The following DACH1 variants were observed in gnomAD, a reference collection of about 807,000 sequenced individuals.
DACH1 encodes dachshund homolog 1.
In DACH1, 12 loss-of-function variants were observed where a neutral mutation model predicts 54.2. That is an observed-to-expected ratio of 0.22 (90% CI 0.14 to 0.36). The LOEUF (loss-of-function observed/expected upper bound fraction) is 0.36, where lower values mean the gene tolerates loss of function less well. Among genes scored for constraint, DACH1 ranks in the 10% least tolerant of loss-of-function variants. The pLI is 1.00. For synonymous variants in DACH1, 386 were observed against 366.2 expected (o/e 1.05, Z -0.62); for missense variants, 805 against 929.8 (o/e 0.87, Z 1.75).
intron 1 of DACH1, among the ~76,000 whole-genome samples, chr13:71,786,903 C>T (rs1333487005): frequency 6.6e-6 from 1 of 152,080 alleles, no homozygotes; most frequent in African/African-American, 2.4e-5. Flanking sequence ...TCTTCCTGGA[C>T]CAAAGAATTT....
rs80039276 is a variant in DACH1 at position 71,736,633 on chromosome 13, A to G, written c.849-54723T>C. On this transcript the variant is annotated intron_variant, in intron 1 of 10. Transcript: ENST00000613252. ...GCACTGCTATTTTTTTTCCCGTAAG[A>G]AAGAGGGAGTCAAATCAATATGAAT... is the stretch of plus-strand genomic sequence containing the variant. Among the ~76,000 whole-genome samples, 764 of 152,256 alleles carry G rather than the reference A, an allele frequency of 5.0e-3. 3 individuals are homozygous for G. Among genetic ancestry groups the G allele is most frequent in the East Asian group, 8.3e-3 (43 of 5,166 alleles).
intron 1 of DACH1, among the ~76,000 whole-genome samples, chr13:71,708,979 A>C (rs566619479): frequency 7.1e-4 from 107 of 150,806 alleles, no homozygotes; most frequent in African/African-American, 2.5e-3. Flanking sequence ...CAGCCTCCCG[A>C]GTAGCTGGGA....
chr13:71,630,804 C>T, intron 2 of DACH1, 87 bp from the exon 3 acceptor site: 15 of 1,384,524 alleles, frequency 1.1e-5, no homozygotes, highest in Non-Finnish European at 1.3e-5. Context: ...AACATACAAA[C>T]ATTTATTAGA....
intron 2 of DACH1, among the ~76,000 whole-genome samples, chr13:71,653,404 T>C (rs1241907829): frequency 1.3e-5 from 2 of 152,182 alleles, no homozygotes; most frequent in Admixed American, 6.5e-5. Context: ...TCAATTCAGC[T>C]CCAGTGCTGC....
chr13:71,555,370 C>T (rs1231671797), intron 6 of DACH1, among the ~76,000 whole-genome samples: 2 of 150,758 alleles, frequency 1.3e-5, no homozygotes, highest in South Asian at 2.1e-4. Context: ...TTGACATGGA[C>T]TCTCACTCTG....
In DACH1 at chr13:71,648,165, A is replaced by G. The variant is rs185223606; in HGVS notation, c.965-17448T>C. Among the ~76,000 whole-genome samples the G allele has an allele frequency of 5.9e-5, 9 of 152,312 alleles. No individual in the cohort carries two copies. The East Asian group carries it at 1.7e-3, about 29-fold the overall frequency. ...AGATGGCATCCTTCATTTAATTACTATACAATCAAATATATGACAATAAAA... is the reference window on the plus strand; with the variant it reads ...AGATGGCATCCTTCATTTAATTACTGTACAATCAAATATATGACAATAAAA... On this transcript the variant is annotated intron_variant, in intron 2 of 10. Coordinates refer to ENST00000613252, the MANE Select transcript of DACH1 (RefSeq NM_080759.6).
Position 71,857,304 on chromosome 13 carries a change from C to CT in DACH1, c.848+8617dup, listed in dbSNP as rs557888664. Among the ~76,000 whole-genome samples, 586 of 151,052 alleles carry CT rather than the reference C, an allele frequency of 3.9e-3. 6 individuals carry two copies. The highest frequency in any genetic ancestry group is 0.013 in the African/African-American group (524 of 40,944). ...TACTTCTTTAACTCTAAAATTAATT[C>CT]TTTTTTTCTGTTGTATTTCAGTAAA... On this transcript the variant is annotated intron_variant, in intron 1 of 10. Transcript: ENST00000613252.
chr13:71,618,323 G>C (rs947675572), intron 3 of DACH1, among the ~76,000 whole-genome samples: 4 of 151,950 alleles, frequency 2.6e-5, no homozygotes, highest in African/African-American at 9.7e-5. Context: ...ATCTTTCTTA[G>C]TTGATAGAAA....
chr13:71,824,303 C>T (rs1475349676), intron 1 of DACH1, among the ~76,000 whole-genome samples: 1 of 151,338 alleles, frequency 6.6e-6, no homozygotes, highest in East Asian at 1.9e-4. Flanking sequence ...CAAATAAGTA[C>T]TCAGAAAATG....
chr13:71,514,041 G>T (rs576668226), intron 6 of DACH1, among the ~76,000 whole-genome samples: 1 of 152,122 alleles, frequency 6.6e-6, no homozygotes, highest in Middle Eastern at 3.4e-3. Context: ...AATACTGAGT[G>T]TCAATGTGGT....
chr13:71,730,780 T>C (rs1264393797), intron 1 of DACH1, among the ~76,000 whole-genome samples: 1 of 152,096 alleles, frequency 6.6e-6, no homozygotes, highest in Non-Finnish European at 1.5e-5. Context: ...GTTATTGTCT[T>C]ATCATTATTT....
At chr13:71,634,094 T>C (rs1389062956) in intron 2 of DACH1, among the ~76,000 whole-genome samples, 1 of 151,712 alleles carries the variant, frequency 6.6e-6, no homozygotes, top group Non-Finnish European at 1.5e-5. Context: ...TGTCTCAGCC[T>C]CCCGAGTAGC....
At chr13:71,546,227 A>T (rs2138344502) in intron 6 of DACH1, among the ~76,000 whole-genome samples, 1 of 152,174 alleles carries the variant, frequency 6.6e-6, no homozygotes, top group Non-Finnish European at 1.5e-5. Context: ...CAGGATTGTC[A>T]GACTGATTTA....
rs35142229 is a variant in DACH1 at position 71,496,261 on chromosome 13, GTATATATATATATATATATATA to G, written c.1571-7135_1571-7114del. Among the ~76,000 whole-genome samples, 155 of 37,152 alleles carry G rather than the reference GTATATATATATATATATATATA, an allele frequency of 4.2e-3. 1 individual carries two copies. Among genetic ancestry groups the G allele is most frequent in the African/African-American group, 0.016 (124 of 7,798 alleles). The allele number at this position is 37,152 out of a possible 152,430, so 24.4% of individuals were successfully genotyped here. A position where few individuals can be genotyped will look rare whatever the true frequency, so the allele number is the denominator to read the frequency against. On this transcript the variant is annotated intron_variant, in intron 6 of 10. Transcript: ENST00000613252. ...TCCCAAAAAACAAAAAAATTGCTAT[GTATATATATATATATATATATA>G]TATATATATATATATATATATATAC...
At chr13:71,647,133 G>C (rs1878338128) in intron 2 of DACH1, among the ~76,000 whole-genome samples, 1 of 152,150 alleles carries the variant, frequency 6.6e-6, no homozygotes, top group Non-Finnish European at 1.5e-5. Context: ...CTTTATAACT[G>C]TTAATAAAAA....
chr13:71,852,293 T>A (rs986527064), intron 1 of DACH1, among the ~76,000 whole-genome samples: 1 of 152,114 alleles, frequency 6.6e-6, no homozygotes, highest in Non-Finnish European at 1.5e-5. Flanking sequence ...CTGAGATGAA[T>A]GAGTGTAATC....
chr13:71,461,680 C>G (rs1166393899), intron 10 of DACH1, among the ~76,000 whole-genome samples: 2 of 152,004 alleles, frequency 1.3e-5, no homozygotes, highest in South Asian at 2.1e-4. Flanking sequence ...AGTGAAATTT[C>G]TCTCCAAATC....
intron 1 of DACH1, among the ~76,000 whole-genome samples, chr13:71,848,883 C>T (rs918996577): frequency 2.0e-5 from 3 of 152,102 alleles, no homozygotes; most frequent in East Asian, 3.9e-4. Context: ...AATAACTAAT[C>T]GCATTCCTAT....
chr13:71,641,209 A>G (rs1195825746), intron 2 of DACH1, among the ~76,000 whole-genome samples: 3 of 152,140 alleles, frequency 2.0e-5, no homozygotes, highest in Non-Finnish European at 2.9e-5. Flanking sequence ...GACTCATGCA[A>G]GAAATTTATT....
Sources: allele counts gnomAD v4.1 joint callset (sites outside exome capture counted in the v4.1 genomes callset), GRCh38; gene constraint gnomAD v4.1.1; transcripts MANE v1.5; gene names NCBI Gene and HGNC (gene_info 2026-07-23, HGNC 2026-07-21).